Variants in RSPH14 observed in about 807,000 individuals in gnomAD.
RSPH14 encodes radial spoke head 14 homolog.
In RSPH14, 20 loss-of-function variants were observed where a neutral mutation model predicts 26.7. The ratio of observed to expected loss-of-function variants is 0.75; its 90% CI spans 0.53 to 1.09. The LOEUF (loss-of-function observed/expected upper bound fraction) is 1.09, where lower values mean the gene tolerates loss of function less well. RSPH14 is among the 50% of genes least tolerant of loss of function. The probability of loss-of-function intolerance (pLI) is 0.00; values close to 1 mark genes in which losing one functional copy is unlikely to be tolerated. For synonymous variants in RSPH14, 177 were observed against 189.3 expected, an observed-to-expected ratio of 0.93 and a Z score of 0.53; for missense variants, 449 against 457.2, an observed-to-expected ratio of 0.98 and a Z score of 0.16.
chr22:23,061,887 G>A lies in RSPH14; in HGVS notation c.712C>T (p.His238Tyr), dbSNP rs1170075857. ...CHFDVIPILV[H>Y]LLKDPVEHVK... ...TGCTCCACTGGGTCTTTCAGCAGAT[G>A]GACCAGGATGGGGATGACGTCAAAA... Residue 238 changes from histidine (H) to tyrosine (Y), a missense_variant, in exon 6 of 7, where the codon CAT (histidine) becomes TAT (tyrosine). Physicochemically the swap from His to Tyr is moderately conservative, Grantham distance 83 (BLOSUM62 2). Coordinates refer to ENST00000216036, the MANE Select transcript of RSPH14 (RefSeq NM_014433.3). 1.2e-6 allele frequency: 2 copies of A among 1,614,052 alleles called. No homozygotes were observed. Among genetic ancestry groups the A allele is most frequent in the African/African-American group, 2.7e-5 (2 of 74,916 alleles).
rs190205253 is a variant in RSPH14 at position 23,137,928 on chromosome 22, T to C, written c.302+912A>G. On this transcript the variant is annotated intron_variant, in intron 3 of 6. Transcript: ENST00000216036. ...CAGTCAAGAGGGTGAACCCAGCTGA[T>C]GTGGGAAAGCACCTCCAACCACCCT... The C allele has an allele frequency of 9.4e-3, 1,447 of 154,094 alleles. 71 individuals are homozygous for C. The highest frequency in any genetic ancestry group is 0.085 in the Admixed American group (1,314 of 15,378). 9.5% of individuals were successfully genotyped at this position (154,094 alleles called of 1,614,324 possible).
chr22:23,084,457 A>G (rs1035221035), intron 4 of RSPH14, among the ~76,000 whole-genome samples: 4 of 152,264 alleles, frequency 2.6e-5, no homozygotes, highest in Middle Eastern at 6.8e-3. Flanking sequence ...CACATTTTCA[A>G]CTTAGGATGG....
chr22:23,137,619 G>A (rs937539081), intron 3 of RSPH14, among the ~76,000 whole-genome samples: 1 of 151,974 alleles, frequency 6.6e-6, no homozygotes, highest in African/African-American at 2.4e-5. Context: ...TCTCTGAATG[G>A]CTGCCTGTTT....
At chr22:23,180,572 GCGGCGGCGGCGGCGGCGGCA>G in the RSPH14 span, 48 of 38,476 alleles carry the variant, frequency 1.2e-3, 1 homozygote, top group African/African-American at 4.9e-3. Context: ...GTCCGAGGAG[GCGGCGGCGGCGGCGGCGGCA>G]CGGCGGCGGC....
intron 4 of RSPH14, 34 bp downstream of exon 4, chr22:23,133,992 G>T: frequency 6.6e-7 from 1 of 1,510,678 alleles, no homozygotes; most frequent in Non-Finnish European, 9.2e-7. Flanking sequence ...CAACTTGAGT[G>T]CCCGACAGAT....
chr22:23,146,467 C>G, upstream of RSPH14: 1 of 1,361,980 alleles, frequency 7.3e-7, no homozygotes, highest in South Asian at 1.6e-5. Context: ...CCACCTTGGC[C>G]TCCCAAAGTG....
intron 4 of RSPH14, among the ~76,000 whole-genome samples, chr22:23,064,552 C>T (rs549348939): frequency 6.6e-5 from 10 of 152,294 alleles, no homozygotes; most frequent in African/African-American, 2.2e-4. Context: ...GCCAAGCCCC[C>T]GCTTCCCATC....
At chr22:23,179,831 C>CT in the RSPH14 span, 1 of 212,530 alleles carries the variant, frequency 4.7e-6, no homozygotes, top group Non-Finnish European at 9.3e-6. Context: ...CCTGGCCTCT[C>CT]TGTGAGTTGG....
intron 4 of RSPH14, among the ~76,000 whole-genome samples, chr22:23,064,410 C>T (rs1157367445): frequency 2.0e-5 from 3 of 152,178 alleles, no homozygotes; most frequent in African/African-American, 7.2e-5. Flanking sequence ...GGGGCATCTA[C>T]CATAGCAAGC....
At chr22:23,065,433 T>C (rs2068185692) in intron 4 of RSPH14, among the ~76,000 whole-genome samples, 2 of 147,636 alleles carry the variant, frequency 1.4e-5, no homozygotes, top group South Asian at 2.1e-4. Flanking sequence ...ATGGAGCAGC[T>C]AGATCTGCCC....
chr22:23,126,402 C>T (rs2070182761), intron 4 of RSPH14, among the ~76,000 whole-genome samples: 1 of 152,248 alleles, frequency 6.6e-6, no homozygotes, highest in African/African-American at 2.4e-5. Flanking sequence ...CCTTGTTCCG[C>T]TCTTGCCCCC....
chr22:23,099,912 G>T (rs1056780948), intron 4 of RSPH14, among the ~76,000 whole-genome samples: 1 of 152,268 alleles, frequency 6.6e-6, no homozygotes, highest in African/African-American at 2.4e-5. Flanking sequence ...CCCAACCTCT[G>T]CCCTTGCGGA....
chr22:23,126,837 G>A (rs1167951147), intron 4 of RSPH14, among the ~76,000 whole-genome samples: 1 of 152,220 alleles, frequency 6.6e-6, no homozygotes, highest in Non-Finnish European at 1.5e-5. Flanking sequence ...CCACCATCAT[G>A]TGGCTCCCTG....
intron 4 of RSPH14, among the ~76,000 whole-genome samples, chr22:23,116,303 A>T (rs1176846099): frequency 6.6e-6 from 1 of 152,224 alleles, no homozygotes; most frequent in Non-Finnish European, 1.5e-5. Flanking sequence ...GTGCAGAGGG[A>T]AAAAGACACC....
chr22:23,160,511 G>A, the RSPH14 span, among the ~76,000 whole-genome samples: 1 of 152,252 alleles, frequency 6.6e-6, no homozygotes, highest in Non-Finnish European at 1.5e-5. Context: ...GTGACAGGAG[G>A]GCAGGCACAT....
In RSPH14 at chr22:23,073,504, C is replaced by T. The variant is rs986978387; in HGVS notation, c.422-9371G>A. On this transcript the variant is annotated intron_variant, in intron 4 of 6. Transcript: ENST00000216036. The stretch of plus-strand genomic sequence containing the variant: ...GGTCCTGGTCCCACCATCCTAGGTC[C>T]AGCCCCTTTTTCTCTGAACCTCATT... 3.9e-5 allele frequency among the ~76,000 whole-genome samples: 6 copies of T among 152,296 alleles called. No individual in the cohort carries two copies. In the South Asian group the frequency reaches 8.3e-4, roughly 21 times the overall value.
the RSPH14 span, among the ~76,000 whole-genome samples, chr22:23,157,793 C>T: frequency 1.3e-5 from 2 of 152,194 alleles, no homozygotes; most frequent in Non-Finnish European, 2.9e-5. Context: ...GCTGGGCTGC[C>T]GGGTGCAGGC....
upstream of RSPH14, among the ~76,000 whole-genome samples, chr22:23,144,388 T>A (rs1180435811): frequency 6.6e-6 from 1 of 152,230 alleles, no homozygotes; most frequent in Non-Finnish European, 1.5e-5. Context: ...GAATAGTTAA[T>A]GGACTTGAAT....
intron 4 of RSPH14, among the ~76,000 whole-genome samples, chr22:23,119,592 A>G (rs183805830): frequency 1.5e-3 from 221 of 152,296 alleles, no homozygotes; most frequent in Non-Finnish European, 2.5e-3. Flanking sequence ...TTCCTGTTCT[A>G]TAAAGATTAC....
Sources: gnomAD v4.1 joint callset for allele counts (sites outside exome capture counted in the v4.1 genomes callset) on GRCh38, gnomAD v4.1.1 for gene constraint, MANE v1.5 for transcripts, NCBI Gene and HGNC (gene_info 2026-07-23, HGNC 2026-07-21) for gene names.